TNFAIP8: variants seen among roughly 807,000 people sequenced by gnomAD.
TNFAIP8 encodes the protein TNF alpha induced protein 8, also known as tumor necrosis factor alpha-induced protein 8.
In TNFAIP8, 7 loss-of-function variants were observed where a neutral mutation model predicts 13.3. That is an observed-to-expected ratio of 0.52 (90% confidence interval 0.30 to 0.99). The LOEUF (loss-of-function observed/expected upper bound fraction) is 0.99. TNFAIP8 is among the 50% of genes least tolerant of loss of function. The probability of loss-of-function intolerance (pLI) is 0.07; values close to 1 mark genes in which losing one functional copy is unlikely to be tolerated. For missense variants in TNFAIP8, 258 were observed against 236.9 expected (o/e 1.09, Z -0.58); for synonymous variants, 94 against 87.6 (o/e 1.07, Z -0.41).
chr5:119,384,213 G>T (rs531295405), intron 1 of TNFAIP8, among the ~76,000 whole-genome samples: 1 of 152,284 alleles, frequency 6.6e-6, no homozygotes, highest in African/African-American at 2.4e-5. Flanking sequence ...GGCCCGGCAC[G>T]GTGGCTCACG....
chr5:119,342,245 C>T (rs571081890), intron 1 of TNFAIP8, among the ~76,000 whole-genome samples: 9 of 152,188 alleles, frequency 5.9e-5, no homozygotes, highest in Non-Finnish European at 1.3e-4. Flanking sequence ...GCTTGGTAGC[C>T]TCTCAGAGAT....
chr5:119,351,788 C>CTTTTTTTTTTTTTTTTTTTTTTT (rs1177061965), upstream of TNFAIP8, among the ~76,000 whole-genome samples: 12 of 138,240 alleles, frequency 8.7e-5, no homozygotes, highest in African/African-American at 3.0e-4. Context: ...TTTTCTTTTT[C>CTTTTTTTTTTTTTTTTTTTTTTT]TTTTTTTCTT....
intron 1 of TNFAIP8, among the ~76,000 whole-genome samples, chr5:119,273,790 G>C (rs984173675): frequency 1.6e-4 from 24 of 152,260 alleles, no homozygotes; most frequent in African/African-American, 5.8e-4. Flanking sequence ...CCAGGGCAGG[G>C]ACCGCATCTG....
intron 1 of TNFAIP8, among the ~76,000 whole-genome samples, chr5:119,388,440 A>C (rs987915647): frequency 6.6e-6 from 1 of 152,168 alleles, no homozygotes; most frequent in Non-Finnish European, 1.5e-5. Flanking sequence ...GGGGAAATTG[A>C]TTGCTGCTTC....
rs543218202 is a variant in TNFAIP8, at chr5:119,281,073, G to C, written c.1+12166G>C. Among the ~76,000 whole-genome samples the C allele has an allele frequency of 2.0e-5, 3 of 152,122 alleles. No homozygotes were observed. In the East Asian group the frequency reaches 5.8e-4, roughly 29 times the overall value. On this transcript the variant is annotated intron_variant, in intron 1 of 1. Coordinates refer to the TNFAIP8 transcript ENST00000274456. ...TGACCTGACCTTAGTATTCTTGTTA[G>C]TTTCCTGCTCTTTGATTTGTTAAGG... is the stretch of plus-strand genomic sequence containing the variant.
chr5:119,278,381 GTGT>G, intron 1 of TNFAIP8, among the ~76,000 whole-genome samples: 1 of 47,108 alleles, frequency 2.1e-5, no homozygotes, highest in Non-Finnish European at 4.2e-5. Context: ...GAGAGAGTGT[GTGT>G]GTGTGTGTGT....
chr5:119,379,732 A>G (rs1752415658), intron 1 of TNFAIP8, among the ~76,000 whole-genome samples: 1 of 152,046 alleles, frequency 6.6e-6, no homozygotes, highest in Admixed American at 6.6e-5. Context: ...CTGGGACCAT[A>G]AGCATACACC....
At chr5:119,352,785 C>T (rs980011925), upstream of TNFAIP8, among the ~76,000 whole-genome samples, 1 of 150,948 alleles carries the variant, frequency 6.6e-6, no homozygotes, top group African/African-American at 2.4e-5. Flanking sequence ...AAAGTTCAGT[C>T]GAGAGTTGGT....
rs1753153973 is a variant in TNFAIP8, at chr5:119,399,650, T to TAATC, written c.*6270_*6273dup. ...ATGATTTCTAGCAGCTACTTATGTA[T>TAATC]AATCTCTTAACCAATTAAATTCTGA... is the stretch of plus-strand genomic sequence containing the variant. On this transcript the variant is annotated 3_prime_UTR_variant, in exon 2 of 2. Coordinates refer to ENST00000504771, the MANE Select transcript of TNFAIP8 (RefSeq NM_014350.4). 3 of 152,380 alleles carry TAATC rather than the reference T, an allele frequency of 2.0e-5. No homozygotes were observed. The highest frequency in any genetic ancestry group is 6.5e-5 in the Admixed American group (1 of 15,308). 9.4% of individuals were successfully genotyped at this position (152,380 alleles called of 1,614,324 possible).
intron 1 of TNFAIP8, among the ~76,000 whole-genome samples, chr5:119,296,159 CTA>C (rs1278356865): frequency 6.6e-6 from 1 of 150,502 alleles, no homozygotes; most frequent in Non-Finnish European, 1.5e-5. Flanking sequence ...ACTTCCAACA[CTA>C]TGTTGAATAG....
chr5:119,334,823 T>A (rs1750499872), intron 1 of TNFAIP8, among the ~76,000 whole-genome samples: 1 of 151,590 alleles, frequency 6.6e-6, no homozygotes, highest in Admixed American at 6.6e-5. Context: ...ATATATAGAG[T>A]TGAGATCAGA....
chr5:119,359,950 A>G (rs190364861), intron 1 of TNFAIP8, among the ~76,000 whole-genome samples: 52 of 152,342 alleles, frequency 3.4e-4, no homozygotes, highest in African/African-American at 1.2e-3. Context: ...TGTGCTGACA[A>G]GGACTAAAAG....
At chr5:119,285,108 G>A (rs531502667) in intron 1 of TNFAIP8, among the ~76,000 whole-genome samples, 53 of 152,144 alleles carry the variant, frequency 3.5e-4, no homozygotes, top group African/African-American at 1.2e-3. Context: ...AGCAAAGGAC[G>A]CAGCCATTAT....
chr5:119,296,367 G>A lies in TNFAIP8; in HGVS notation c.1+27460G>A, dbSNP rs1417691610. Among the ~76,000 whole-genome samples, 6 of 151,916 alleles carry A rather than the reference G, an allele frequency of 3.9e-5. No homozygotes were observed. The South Asian group carries it at 1.2e-3, about 32-fold the overall frequency. On this transcript the variant is annotated intron_variant, in intron 1 of 1. Transcript: ENST00000274456. ...TTGAATTTTGTCAAAGGCCTTTTCTGCATCTATTGAGATAATCATGTGGTT... is the reference window on the plus strand; with the variant it reads ...TTGAATTTTGTCAAAGGCCTTTTCTACATCTATTGAGATAATCATGTGGTT...
intron 1 of TNFAIP8, among the ~76,000 whole-genome samples, chr5:119,381,430 C>T (rs1752479678): frequency 6.6e-6 from 1 of 152,066 alleles, no homozygotes; most frequent in Non-Finnish European, 1.5e-5. Context: ...GTTCCTGTTG[C>T]TCAGGAGGCT....
At chr5:119,379,645 G>C (rs1344345715) in intron 1 of TNFAIP8, among the ~76,000 whole-genome samples, 1 of 152,038 alleles carries the variant, frequency 6.6e-6, no homozygotes, top group Non-Finnish European at 1.5e-5. Context: ...GGCTGGAGTG[G>C]AGTGGCGTGA....
At chr5:119,281,306 A>ACAGACACACACACACACACACTCT in intron 1 of TNFAIP8, among the ~76,000 whole-genome samples, 1 of 114,136 alleles carries the variant, frequency 8.8e-6, no homozygotes. Flanking sequence ...ACACACACAC[A>ACAGACACACACACACACACACTCT]CTCTCTCTCT....
In TNFAIP8 at chr5:119,392,946, C is replaced by T. The variant is rs1752954277; in HGVS notation, c.162C>T (p.Leu54=). The T allele has an allele frequency of 6.2e-7, 1 of 1,609,798 alleles. No individual in the cohort carries two copies. The highest frequency in any genetic ancestry group is 1.7e-5 in the Admixed American group (1 of 59,386). The stretch of plus-strand genomic sequence containing the variant: ...CAAGTAGTGAGGTGCTGGATGAGCT[C>T]TACAGAGTGACCAGGGAGTACACCC... ...DDTSSEVLDE[L]YRVTREYTQN... The change falls in exon 2 of 2, where the codon CTC becomes CTT. Residue 54 remains leucine (L), a synonymous_variant. Transcript: ENST00000504771.
At chr5:119,334,630 T>G (rs1296350210) in intron 1 of TNFAIP8, among the ~76,000 whole-genome samples, 1 of 142,066 alleles carries the variant, frequency 7.0e-6, no homozygotes, top group Non-Finnish European at 1.5e-5. Flanking sequence ...CTTTCGTGTG[T>G]GTGTGTGTGT....
Sources: allele counts gnomAD v4.1 joint callset (sites outside exome capture counted in the v4.1 genomes callset), GRCh38; gene constraint gnomAD v4.1.1; transcripts MANE v1.5; gene names NCBI Gene and HGNC (gene_info 2026-07-23, HGNC 2026-07-21).